AKAP6: variants seen among roughly 807,000 people sequenced by gnomAD.
AKAP6 encodes the protein A-kinase anchor protein 6.
In AKAP6, 58 loss-of-function variants were observed where a neutral mutation model predicts 188.5. That is an observed-to-expected ratio of 0.31 (90% CI 0.25 to 0.38). AKAP6 has a LOEUF of 0.38. Ranked by LOEUF, AKAP6 falls within the 10% of genes least tolerant of loss-of-function variation. The probability of loss-of-function intolerance (pLI) is 1.00; values close to 1 mark genes in which losing one functional copy is unlikely to be tolerated. For synonymous variants in AKAP6, 989 were observed against 998.6 expected (o/e 0.99, Z 0.18); for missense variants, 2,710 against 2,740.0 (o/e 0.99, Z 0.24).
chr14:32,506,949 G>GA (rs1880911102), intron 2 of AKAP6, among the ~76,000 whole-genome samples: 1 of 151,876 alleles, frequency 6.6e-6, no homozygotes, highest in South Asian at 2.1e-4. Context: ...AAAACATTAA[G>GA]AAAAAAAGTC....
chr14:32,576,726 A>G (rs1884735046), intron 4 of AKAP6, among the ~76,000 whole-genome samples: 1 of 152,162 alleles, frequency 6.6e-6, no homozygotes, highest in Admixed American at 6.5e-5. Flanking sequence ...ATCCCTGTAA[A>G]GGATTTGGCA....
At chr14:32,507,748 T>C (rs1025982171) in intron 2 of AKAP6, among the ~76,000 whole-genome samples, 1 of 152,200 alleles carries the variant, frequency 6.6e-6, no homozygotes, top group African/African-American at 2.4e-5. Flanking sequence ...AGGGCTTAAA[T>C]TGGATCTTGA....
chr14:32,375,862 C>T (rs1444403672), intron 1 of AKAP6: 1 of 152,046 alleles, frequency 6.6e-6, no homozygotes, highest in Non-Finnish European at 1.5e-5. Context: ...AGGGAGTTTC[C>T]AGGAGAGAGT....
chr14:32,409,123 C>G (rs1183320783), intron 1 of AKAP6, among the ~76,000 whole-genome samples: 1 of 152,152 alleles, frequency 6.6e-6, no homozygotes, highest in African/African-American at 2.4e-5. Flanking sequence ...TCACTTGAAC[C>G]TGGCAGGTGG....
chr14:32,545,785 A>G lies in AKAP6; in HGVS notation c.1132A>G (p.Asn378Asp). ...TPKRTIRDCF[N>D]YNEDSPTQPT... ...CAAACGAACCATCAGAGATTGCTTTAATTATAACGAGGACTCTCCCACGCA... is the reference window on the plus strand; with the variant it reads ...CAAACGAACCATCAGAGATTGCTTTGATTATAACGAGGACTCTCCCACGCA... The change falls in exon 4 of 14, where the codon AAT becomes GAT. Residue 378 changes from asparagine (N) to aspartate (D), a missense_variant. By Grantham distance (23) the Asn-to-Asp change is conservative. Around this residue, in one of 2 missense-constraint regions of AKAP6, gnomAD observed 2,473 missense variants for 2,426.1 expected, o/e 1.02. Transcript: ENST00000280979. 1.2e-6 allele frequency: 2 copies of G among 1,614,220 alleles called. No homozygotes were observed. The highest frequency in any genetic ancestry group is 1.7e-6 in the Non-Finnish European group (2 of 1,180,032).
chr14:32,469,343 G>T (rs1340559246), intron 2 of AKAP6, among the ~76,000 whole-genome samples: 2 of 151,908 alleles, frequency 1.3e-5, no homozygotes, highest in African/African-American at 4.8e-5. Context: ...AATTTAAGAA[G>T]AATTAAAAAC....
intron 5 of AKAP6, among the ~76,000 whole-genome samples, chr14:32,588,535 T>C (rs12887978): frequency 6.6e-6 from 1 of 152,310 alleles, no homozygotes; most frequent in East Asian, 1.9e-4. Flanking sequence ...GTGGCGTTTG[T>C]GTGTGTATGA....
At chr14:32,452,206 A>G (rs1328278417) in intron 2 of AKAP6, among the ~76,000 whole-genome samples, 3 of 150,192 alleles carry the variant, frequency 2.0e-5, no homozygotes, top group South Asian at 2.1e-4. Flanking sequence ...TAATTTTTCT[A>G]TATGTTTTGT....
In AKAP6 at chr14:32,823,671, T is replaced by A; in HGVS notation, c.5858T>A (p.Val1953Asp). 1.9e-6 allele frequency: 3 copies of A among 1,613,786 alleles called. No homozygotes were observed. The highest frequency in any genetic ancestry group is 1.7e-6 in the Non-Finnish European group (2 of 1,179,886). Residue 1953 changes from valine (V) to aspartate (D), a missense_variant, in exon 13 of 14, where the codon GTT becomes GAT. By Grantham distance (152) the Val-to-Asp change is radical (BLOSUM62 -3). Coordinates refer to ENST00000280979, the MANE Select transcript of AKAP6 (RefSeq NM_004274.5). ...DDSNTAGKEF[V>D]SQDVRHLPKK... ...TCAAATACTGCTGGCAAGGAATTTG[T>A]TTCCCAAGATGTTAGACATCTTCCA...
chr14:32,678,840 C>A (rs1458965081), intron 8 of AKAP6, among the ~76,000 whole-genome samples: 1 of 152,092 alleles, frequency 6.6e-6, no homozygotes, highest in African/African-American at 2.4e-5. Flanking sequence ...ACACCAGAAC[C>A]ATTTTGGAAA....
intron 4 of AKAP6, among the ~76,000 whole-genome samples, chr14:32,575,980 C>G (rs879658159): frequency 2.6e-5 from 4 of 152,000 alleles, no homozygotes; most frequent in Non-Finnish European, 4.4e-5. Flanking sequence ...TCCATTTTCT[C>G]TTTTTCTCAT....
intron 2 of AKAP6, among the ~76,000 whole-genome samples, chr14:32,472,013 TTTTTG>T: frequency 1.3e-5 from 2 of 152,206 alleles, no homozygotes; most frequent in Non-Finnish European, 2.9e-5. Context: ...GAGAATTTAC[TTTTTG>T]TCATAGTTTG....
chr14:32,824,924 A>G, intron 13 of AKAP6, 109 bp downstream of exon 13: 1 of 807,954 alleles, frequency 1.2e-6, no homozygotes, highest in South Asian at 2.1e-5. Flanking sequence ...GCAGACAGTT[A>G]TCTGAATAAG....
chr14:32,504,314 C>T (rs1880754214), intron 2 of AKAP6, among the ~76,000 whole-genome samples: 1 of 151,522 alleles, frequency 6.6e-6, no homozygotes, highest in African/African-American at 2.4e-5. Flanking sequence ...AGGGTCTTGC[C>T]CTGTTGTCCA....
At chr14:32,773,322 C>T (rs550798764) in intron 11 of AKAP6, among the ~76,000 whole-genome samples, 6 of 152,216 alleles carry the variant, frequency 3.9e-5, no homozygotes, top group African/African-American at 7.2e-5. Context: ...CTATCTTCTG[C>T]GTTTCCTTCG....
chr14:32,796,230 T>C (rs903402057), intron 12 of AKAP6, among the ~76,000 whole-genome samples: 1 of 152,324 alleles, frequency 6.6e-6, no homozygotes, highest in South Asian at 2.1e-4. Context: ...TTTAATGCTA[T>C]TCTCATTAAA....
chr14:32,577,596 C>A (rs1179128915), intron 5 of AKAP6, among the ~76,000 whole-genome samples: 1 of 152,082 alleles, frequency 6.6e-6, no homozygotes, highest in Non-Finnish European at 1.5e-5. Flanking sequence ...CCATTCTAAG[C>A]TTTCTAGAAT....
At chr14:32,802,622 G>A (rs1168025416) in intron 12 of AKAP6, among the ~76,000 whole-genome samples, 2 of 152,066 alleles carry the variant, frequency 1.3e-5, no homozygotes, top group East Asian at 3.8e-4. Flanking sequence ...CACACCCTTT[G>A]GCCTAGTATT....
In AKAP6 at chr14:32,798,984, A is replaced by T. The variant is rs188703177; in HGVS notation, c.3589-22418A>T. ...TGCTGCCACATAGTCAATGAATGTT[A>T]ATTGCTATTATTAGTTTAGTTATGC... On this transcript the variant is annotated intron_variant, in intron 12 of 13. Coordinates refer to ENST00000280979, the MANE Select transcript of AKAP6 (RefSeq NM_004274.5). Among the ~76,000 whole-genome samples, 502 of 152,326 alleles carry T rather than the reference A, an allele frequency of 3.3e-3. 3 individuals are homozygous for T. The highest frequency in any genetic ancestry group is 0.014 in the Middle Eastern group (4 of 294).
Sources: gnomAD v4.1 joint callset for allele counts (sites outside exome capture counted in the v4.1 genomes callset) on GRCh38, gnomAD v4.1.1 for gene constraint, gnomAD v4.1.1 regional missense constraint, MANE v1.5 for transcripts, NCBI Gene and HGNC (gene_info 2026-07-23, HGNC 2026-07-21) for gene names.